The following HDAC9 variants were observed in gnomAD, a reference collection of about 807,000 sequenced individuals.
HDAC9 encodes histone deacetylase 9, also known as MEF-2 interacting transcription repressor (MITR) protein.
Under a neutral mutation model 139.4 loss-of-function variants are expected in HDAC9, and 41 were observed. That is an observed-to-expected ratio of 0.29 (90% CI 0.23 to 0.38). The LOEUF is 0.38. Among genes scored for constraint, HDAC9 ranks in the 10% least tolerant of loss-of-function variants. HDAC9 has a pLI of 1.00. For missense variants in HDAC9, 1,147 were observed against 1,297.0 expected (o/e 0.88, Z 1.78); for synonymous variants, 517 against 476.2 (o/e 1.09, Z -1.12).
In HDAC9 at chr7:18,514,827, G is replaced by T. The variant is rs141452864; in HGVS notation, c.22+18503G>T. ...CTGGCTGTTGTGGTGTGTGCCTGTA[G>T]TCCTAGCTACTCCGGAGGCTGAGGT... On this transcript the variant is annotated intron_variant, in intron 2 of 25. Coordinates refer to ENST00000686413, the MANE Select transcript of HDAC9 (RefSeq NM_178425.4). 3.9e-5 allele frequency among the ~76,000 whole-genome samples: 6 copies of T among 152,154 alleles called. No individual in the cohort carries two copies. The East Asian group carries it at 1.2e-3, about 29-fold the overall frequency.
Position 18,846,018 on chromosome 7 carries a change from C to G in HDAC9, c.2684+10021C>G, listed in dbSNP as rs371410527. ...TGGGCTTCCTGGGGTGTGTACCAAG[C>G]CTACGAAGGCTTTAGTGGATCTCAG... is the stretch of plus-strand genomic sequence containing the variant. On this transcript the variant is annotated intron_variant, in intron 21 of 25. Transcript: ENST00000686413. 1.4e-4 allele frequency among the ~76,000 whole-genome samples: 21 copies of G among 152,242 alleles called. 1 individual carries two copies. Among genetic ancestry groups the G allele is most frequent in the South Asian group, 1.0e-3 (5 of 4,828 alleles).
At chr7:18,434,988 C>A (rs1447172937) in intron 1 of HDAC9, among the ~76,000 whole-genome samples, 1 of 145,468 alleles carries the variant, frequency 6.9e-6, no homozygotes, top group African/African-American at 2.6e-5. Context: ...GTGTAATCAA[C>A]CTATATGTCC....
intron 1 of HDAC9, among the ~76,000 whole-genome samples, chr7:18,386,659 A>G (rs1281949629): frequency 6.6e-6 from 1 of 152,178 alleles, no homozygotes; most frequent in Non-Finnish European, 1.5e-5. Context: ...CCTTTTGTGC[A>G]GCCTAGTTAG....
chr7:18,732,080 C>G (rs1167223678), intron 13 of HDAC9, among the ~76,000 whole-genome samples: 3 of 150,858 alleles, frequency 2.0e-5, no homozygotes, highest in Non-Finnish European at 3.0e-5. Flanking sequence ...GGTTGGTCTC[C>G]AACTCCCAAC....
At chr7:18,301,884 C>T (rs1798563226) in intron 1 of HDAC9, among the ~76,000 whole-genome samples, 1 of 152,158 alleles carries the variant, frequency 6.6e-6, no homozygotes, top group Non-Finnish European at 1.5e-5. Flanking sequence ...TATATTCCCT[C>T]TAAATCACCA....
intron 6 of HDAC9, among the ~76,000 whole-genome samples, chr7:18,604,125 C>A (rs755066696): frequency 6.6e-6 from 1 of 151,866 alleles, no homozygotes; most frequent in Non-Finnish European, 1.5e-5. Context: ...GTTTCATATT[C>A]TCTGAGATTC....
chr7:18,668,755 T>C (rs755174273), intron 12 of HDAC9: 17 of 981,130 alleles, frequency 1.7e-5, no homozygotes, highest in Non-Finnish European at 2.1e-5. Context: ...ATCTCTTGTT[T>C]TGTGTTGTAA....
intron 1 of HDAC9, among the ~76,000 whole-genome samples, chr7:18,455,554 C>A (rs754456365): frequency 6.6e-6 from 1 of 152,080 alleles, no homozygotes; most frequent in Non-Finnish European, 1.5e-5. Flanking sequence ...TGATTATAAT[C>A]GTATTTTAAA....
At chr7:18,956,332 G>C (rs1020351622) in intron 24 of HDAC9, among the ~76,000 whole-genome samples, 1 of 151,992 alleles carries the variant, frequency 6.6e-6, no homozygotes, top group Admixed American at 6.6e-5. Flanking sequence ...ATTTATTTTC[G>C]ATGTTTCTCT....
rs376913868 is a variant in HDAC9 at position 18,373,652 on chromosome 7, A to G, written c.-42+83137A>G. 3.9e-4 allele frequency among the ~76,000 whole-genome samples: 59 copies of G among 152,304 alleles called. No homozygotes were observed. The East Asian group carries it at 7.3e-3, about 19-fold the overall frequency. ...TTGAGGTGTAAATGCCACATTTGCA[A>G]TGCTACTTCCCTTGAAATCCAGGTG... On this transcript the variant is annotated intron_variant, in intron 1 of 3. Coordinates refer to the HDAC9 transcript ENST00000413509.
At chr7:18,493,088 T>A (rs1796485275), upstream of HDAC9, among the ~76,000 whole-genome samples, 1 of 151,986 alleles carries the variant, frequency 6.6e-6, no homozygotes, top group Non-Finnish European at 1.5e-5. Context: ...CTTTCCTGGA[T>A]CCTTTAAGAA....
At chr7:18,751,763 C>T (rs1199434241) in intron 14 of HDAC9, among the ~76,000 whole-genome samples, 1 of 151,852 alleles carries the variant, frequency 6.6e-6, no homozygotes, top group Non-Finnish European at 1.5e-5. Context: ...TGTGTAGAGA[C>T]CTTTTGTTCA....
chr7:18,596,649 G>C (rs1467821778), intron 6 of HDAC9, among the ~76,000 whole-genome samples: 2 of 152,104 alleles, frequency 1.3e-5, no homozygotes, highest in African/African-American at 4.8e-5. Context: ...AAATCTGGAA[G>C]AGTGTCATTG....
At chr7:18,270,631 A>G (rs1796294647) in intron 2 of HDAC9, among the ~76,000 whole-genome samples, 1 of 152,172 alleles carries the variant, frequency 6.6e-6, no homozygotes, top group African/African-American at 2.4e-5. Context: ...ATATGTATGT[A>G]TGTGTATACA....
At chr7:18,317,404 C>T (rs1010866202) in intron 1 of HDAC9, among the ~76,000 whole-genome samples, 2 of 152,024 alleles carry the variant, frequency 1.3e-5, no homozygotes, top group African/African-American at 2.4e-5. Context: ...GGGCGTTGCT[C>T]TTAATATATT....
chr7:18,913,165 A>G (rs1443393934), intron 22 of HDAC9, among the ~76,000 whole-genome samples: 1 of 152,068 alleles, frequency 6.6e-6, no homozygotes, highest in Non-Finnish European at 1.5e-5. Flanking sequence ...CACGTGGCTA[A>G]TTTCCACGGT....
chr7:18,766,334 A>C (rs1428315770), intron 15 of HDAC9, among the ~76,000 whole-genome samples: 1 of 152,238 alleles, frequency 6.6e-6, no homozygotes. Flanking sequence ...CATGTAGTAG[A>C]TAACGTAGAA....
At chr7:18,155,811 C>T (rs142533608) in intron 1 of HDAC9, among the ~76,000 whole-genome samples, 95 of 152,228 alleles carry the variant, frequency 6.2e-4, no homozygotes, top group Non-Finnish European at 1.2e-3. Flanking sequence ...ATAGATAACT[C>T]CCCAGAGTCC....
chr7:18,428,220 T>A (rs1364301074), intron 1 of HDAC9, among the ~76,000 whole-genome samples: 1 of 152,206 alleles, frequency 6.6e-6, no homozygotes, highest in East Asian at 1.9e-4. Flanking sequence ...TTTAACTTTT[T>A]GAGGAACCTC....
Sources: gnomAD v4.1 joint callset for allele counts (sites outside exome capture counted in the v4.1 genomes callset) on GRCh38, gnomAD v4.1.1 for gene constraint, MANE v1.5 for transcripts, NCBI Gene and HGNC (gene_info 2026-07-23, HGNC 2026-07-21) for gene names.